MACROD2: variants seen among roughly 807,000 people sequenced by gnomAD.
MACROD2 encodes the protein ADP-ribose glycohydrolase MACROD2.
In MACROD2, 36 loss-of-function variants were observed where a neutral mutation model predicts 70.4. That is an observed-to-expected ratio of 0.51 (90% confidence interval 0.39 to 0.68). The LOEUF (loss-of-function observed/expected upper bound fraction) is 0.68, where lower values mean the gene tolerates loss of function less well. MACROD2 is among the 30% of genes least tolerant of loss of function. MACROD2 has a pLI of 0.00. For missense variants in MACROD2, 496 were observed against 538.4 expected, an observed-to-expected ratio of 0.92 and a Z score of 0.78; for synonymous variants, 172 against 178.8, an observed-to-expected ratio of 0.96 and a Z score of 0.30.
At chr20:15,333,824 C>T (rs923910339) in intron 6 of MACROD2, among the ~76,000 whole-genome samples, 4 of 151,480 alleles carry the variant, frequency 2.6e-5, no homozygotes, top group Non-Finnish European at 5.9e-5. Flanking sequence ...AAGGGAGCAA[C>T]GAATCACAGT....
intron 5 of MACROD2, among the ~76,000 whole-genome samples, chr20:14,824,505 TC>T (rs566592168): frequency 3.3e-5 from 5 of 152,048 alleles, no homozygotes; most frequent in Non-Finnish European, 7.4e-5. Context: ...GGCTGAAGGA[TC>T]CACTTCCATG....
At chr20:15,073,084 T>G (rs560358318) in intron 5 of MACROD2, among the ~76,000 whole-genome samples, 5 of 152,232 alleles carry the variant, frequency 3.3e-5, no homozygotes, top group Non-Finnish European at 5.9e-5. Context: ...CACCTTGATA[T>G]TGGACTTTCC....
At chr20:14,183,451 C>T (rs2081320643) in intron 3 of MACROD2, among the ~76,000 whole-genome samples, 1 of 151,998 alleles carries the variant, frequency 6.6e-6, no homozygotes, top group South Asian at 2.1e-4. Context: ...TAGGTTGATT[C>T]CATGTCTTTG....
At chr20:15,867,682 G>A (rs2147173215) in intron 9 of MACROD2, among the ~76,000 whole-genome samples, 1 of 152,286 alleles carries the variant, frequency 6.6e-6, no homozygotes, top group East Asian at 1.9e-4. Context: ...GATCTGGAAT[G>A]TGGAAGTCAT....
At chr20:15,604,810 C>A (rs2048870515) in intron 8 of MACROD2, among the ~76,000 whole-genome samples, 1 of 152,178 alleles carries the variant, frequency 6.6e-6, no homozygotes, top group African/African-American at 2.4e-5. Context: ...AACTGGTTAT[C>A]TTAGAGTTGC....
intron 6 of MACROD2, among the ~76,000 whole-genome samples, chr20:15,250,210 C>G (rs1217696541): frequency 1.3e-5 from 2 of 152,216 alleles, no homozygotes; most frequent in African/African-American, 4.8e-5. Context: ...CACCACACAG[C>G]TTAAGGTGCA....
At chr20:15,742,342 G>T (rs1354828937) in intron 8 of MACROD2, among the ~76,000 whole-genome samples, 2 of 152,164 alleles carry the variant, frequency 1.3e-5, no homozygotes, top group African/African-American at 4.8e-5. Context: ...ACAAAATGGA[G>T]AATTAAGGCA....
chr20:14,385,784 A>G (rs1224107569), intron 3 of MACROD2, among the ~76,000 whole-genome samples: 11 of 152,232 alleles, frequency 7.2e-5, no homozygotes, highest in Admixed American at 7.2e-4. Flanking sequence ...TCAGCCATCA[A>G]TTTGAAATTC....
At chr20:14,986,572 G>A (rs1176085665) in intron 5 of MACROD2, among the ~76,000 whole-genome samples, 3 of 152,132 alleles carry the variant, frequency 2.0e-5, no homozygotes, top group Non-Finnish European at 1.5e-5. Flanking sequence ...AAGCAGATCT[G>A]TTCCACAAAT....
chr20:15,333,144 G>A (rs952266032), intron 6 of MACROD2, among the ~76,000 whole-genome samples: 7 of 151,452 alleles, frequency 4.6e-5, no homozygotes, highest in Admixed American at 3.9e-4. Flanking sequence ...TCCTCAGATC[G>A]GCATCTTCTA....
intron 5 of MACROD2, among the ~76,000 whole-genome samples, chr20:14,927,827 A>G (rs1363808076): frequency 1.3e-5 from 2 of 152,192 alleles, no homozygotes; most frequent in East Asian, 1.9e-4. Context: ...GCTTATTACT[A>G]TATGTAAAAA....
chr20:14,449,216 C>T lies in MACROD2; in HGVS notation c.272-44263C>T, dbSNP rs553573870. ...AATGCTTGACAGATTAATTTTTCTG[C>T]ATCACAATTGAAAAAGTTGCTCTTA... On this transcript the variant is annotated intron_variant, in intron 3 of 17. Coordinates refer to ENST00000684519, the MANE Select transcript of MACROD2 (RefSeq NM_001351661.2). Among the ~76,000 whole-genome samples the T allele has an allele frequency of 1.5e-3, 235 of 152,138 alleles. 2 individuals are homozygous for T. Among genetic ancestry groups the T allele is most frequent in the Non-Finnish European group, 1.0e-3 (71 of 68,014 alleles).
intron 4 of MACROD2, among the ~76,000 whole-genome samples, chr20:14,494,529 T>G (rs1009794283): frequency 6.6e-6 from 1 of 152,112 alleles, no homozygotes; most frequent in African/African-American, 2.4e-5. Flanking sequence ...CAGAGTATCA[T>G]GAAATGAGTG....
At chr20:15,341,924 T>G (rs1232598935) in intron 6 of MACROD2, among the ~76,000 whole-genome samples, 1 of 152,036 alleles carries the variant, frequency 6.6e-6, no homozygotes, top group Admixed American at 6.6e-5. Flanking sequence ...TGCGGTGGTG[T>G]GCACTTGTAA....
Position 15,491,457 on chromosome 20 carries a change from G to A in MACROD2, c.572-8317G>A, listed in dbSNP as rs73614418. 3.0e-4 allele frequency among the ~76,000 whole-genome samples: 45 copies of A among 152,332 alleles called. 2 individuals are homozygous for A. In the East Asian group the frequency reaches 8.3e-3, roughly 28 times the overall value. On this transcript the variant is annotated intron_variant, in intron 7 of 17. Transcript: ENST00000684519. The stretch of plus-strand genomic sequence containing the variant: ...CCAAAAAGCAGATTTAAAGGCAGGG[G>A]TTTGTGTGTAAGTTGTTAATTTGGG...
chr20:14,635,321 G>A (rs1984733144), intron 4 of MACROD2, among the ~76,000 whole-genome samples: 1 of 152,066 alleles, frequency 6.6e-6, no homozygotes, highest in South Asian at 2.1e-4. Flanking sequence ...TGGGCTAGAG[G>A]TTCCTTCACT....
chr20:14,377,334 T>C (rs2083381231), intron 3 of MACROD2, among the ~76,000 whole-genome samples: 1 of 152,206 alleles, frequency 6.6e-6, no homozygotes, highest in South Asian at 2.1e-4. Context: ...CTCAGAAGGT[T>C]TCCTGGGATG....
At chr20:14,118,760 AG>A (rs1372839112) in intron 3 of MACROD2, among the ~76,000 whole-genome samples, 1 of 151,998 alleles carries the variant, frequency 6.6e-6, no homozygotes, top group Non-Finnish European at 1.5e-5. Flanking sequence ...AGTGGCTAGA[AG>A]GGATTAGTTT....
chr20:14,405,583 A>G (rs2083683245), intron 3 of MACROD2, among the ~76,000 whole-genome samples: 1 of 152,194 alleles, frequency 6.6e-6, no homozygotes, highest in African/African-American at 2.4e-5. Flanking sequence ...TACTGCTGCT[A>G]GAATGGAGTC....
Sources: gnomAD v4.1 joint callset for allele counts (sites outside exome capture counted in the v4.1 genomes callset) on GRCh38, gnomAD v4.1.1 for gene constraint, MANE v1.5 for transcripts, NCBI Gene and HGNC (gene_info 2026-07-23, HGNC 2026-07-21) for gene names.